ZFAND6: variants seen among roughly 807,000 people sequenced by gnomAD.
The protein encoded by ZFAND6 is zinc finger AN1-type containing 6.
ZFAND6 carries 12 observed loss-of-function variants against 24.5 expected under a neutral mutation model. The observed-to-expected ratio is 0.49, with a 90% CI of 0.31 to 0.79. The LOEUF is 0.79. Ranked by LOEUF, ZFAND6 falls within the 30% of genes least tolerant of loss-of-function variation. The pLI is 0.04. For synonymous variants in ZFAND6, 92 were observed against 81.5 expected (o/e 1.13, Z -0.69); for missense variants, 207 against 245.9 (o/e 0.84, Z 1.06).
intron 2 of ZFAND6, among the ~76,000 whole-genome samples, chr15:80,106,460 A>G (rs1007636721): frequency 2.6e-5 from 4 of 152,204 alleles, no homozygotes; most frequent in African/African-American, 9.6e-5. Context: ...GACAGACTCT[A>G]TGGCCCACAA....
chr15:80,123,236 A>T (rs955931458), intron 5 of ZFAND6, among the ~76,000 whole-genome samples: 1 of 152,142 alleles, frequency 6.6e-6, no homozygotes, highest in East Asian at 1.9e-4. Flanking sequence ...CATGTGTGCA[A>T]TAGTCACATT....
chr15:80,117,678 G>T (rs1389724427), intron 2 of ZFAND6, among the ~76,000 whole-genome samples: 1 of 152,162 alleles, frequency 6.6e-6, no homozygotes, highest in Non-Finnish European at 1.5e-5. Flanking sequence ...AGTGCTTCAT[G>T]CATGCTTCCC....
At chr15:80,097,621 C>G (rs1360573134) in intron 1 of ZFAND6, among the ~76,000 whole-genome samples, 1 of 151,902 alleles carries the variant, frequency 6.6e-6, no homozygotes, top group Admixed American at 6.6e-5. Flanking sequence ...TGCATGCACT[C>G]CAGCCTGGGC....
At chr15:80,123,859 A>G (rs1313406598) in intron 5 of ZFAND6, among the ~76,000 whole-genome samples, 4 of 152,138 alleles carry the variant, frequency 2.6e-5, no homozygotes, top group Admixed American at 2.6e-4. Context: ...GGTGGGCACC[A>G]GAGCAATTCC....
intron 1 of ZFAND6, among the ~76,000 whole-genome samples, chr15:80,090,521 A>G (rs529661201): frequency 6.6e-6 from 1 of 152,310 alleles, no homozygotes; most frequent in African/African-American, 2.4e-5. Flanking sequence ...GGACCCCTCA[A>G]TTCTGTTCTT....
At chr15:80,079,284 G>T (rs575863886) in intron 1 of ZFAND6, among the ~76,000 whole-genome samples, 4 of 149,518 alleles carry the variant, frequency 2.7e-5, no homozygotes, top group Non-Finnish European at 6.0e-5. Context: ...GCAGTGGCGC[G>T]ATCTCGGCTC....
At chr15:80,071,775 A>C (rs1179240390) in intron 1 of ZFAND6, among the ~76,000 whole-genome samples, 4 of 151,996 alleles carry the variant, frequency 2.6e-5, no homozygotes, top group African/African-American at 9.7e-5. Context: ...AAAAGACTTA[A>C]ACTTTTCTAA....
At chr15:80,111,018 G>A (rs1214458083) in intron 2 of ZFAND6, among the ~76,000 whole-genome samples, 2 of 152,196 alleles carry the variant, frequency 1.3e-5, no homozygotes, top group Non-Finnish European at 2.9e-5. Context: ...AGCAAGGAAA[G>A]AAAACATAGT....
At chr15:80,079,751 G>A (rs1239187920) in intron 1 of ZFAND6, among the ~76,000 whole-genome samples, 2 of 145,782 alleles carry the variant, frequency 1.4e-5, no homozygotes, top group African/African-American at 5.1e-5. Flanking sequence ...CCAGGTTCAT[G>A]CCATCCTCCT....
At chr15:80,121,909 A>G in intron 4 of ZFAND6, 89 bp downstream of exon 4, 5 of 1,101,402 alleles carry the variant, frequency 4.5e-6, no homozygotes, top group Non-Finnish European at 6.3e-6. Context: ...AACTACGTAA[A>G]GCTACTTTTA....
chr15:80,067,960 TAAA>T (rs200345734), intron 1 of ZFAND6, among the ~76,000 whole-genome samples: 1 of 152,050 alleles, frequency 6.6e-6, no homozygotes, highest in South Asian at 2.1e-4. Flanking sequence ...ATTTCTTAAT[TAAA>T]AAAATTTTTT....
At chr15:80,089,577 C>G (rs542058247) in intron 1 of ZFAND6, among the ~76,000 whole-genome samples, 2 of 152,008 alleles carry the variant, frequency 1.3e-5, no homozygotes, top group Non-Finnish European at 2.9e-5. Flanking sequence ...TTCTCTTGAC[C>G]TAGCATTCAA....
chr15:80,137,284 C>T (rs753272784), intron 6 of ZFAND6, among the ~76,000 whole-genome samples, 196 bp from the exon 7 acceptor site: 31 of 152,136 alleles, frequency 2.0e-4, no homozygotes, highest in Non-Finnish European at 3.4e-4. Context: ...CTAGGGCAAA[C>T]CTGCGTTTGT....
chr15:80,115,274 A>G (rs565154327), intron 2 of ZFAND6, among the ~76,000 whole-genome samples: 1 of 152,312 alleles, frequency 6.6e-6, no homozygotes, highest in South Asian at 2.1e-4. Context: ...GGATTTGACT[A>G]CGAATGTTAT....
chr15:80,085,865 T>A (rs942931499), intron 1 of ZFAND6, among the ~76,000 whole-genome samples: 1 of 152,206 alleles, frequency 6.6e-6, no homozygotes, highest in Non-Finnish European at 1.5e-5. Context: ...TTTATAATAC[T>A]GTATTTTTAC....
intron 3 of ZFAND6, 92 bp from the exon 4 acceptor site, chr15:80,121,620 G>C: frequency 9.5e-7 from 1 of 1,049,860 alleles, no homozygotes; most frequent in Non-Finnish European, 1.4e-6. Context: ...TCTATACTGT[G>C]TTCTGTGGAA....
chr15:80,126,214 A>T (rs1320392083), intron 5 of ZFAND6, among the ~76,000 whole-genome samples: 1 of 152,336 alleles, frequency 6.6e-6, no homozygotes, highest in Non-Finnish European at 1.5e-5. Flanking sequence ...TGAATTGTCA[A>T]ATCATTGGTT....
At chr15:80,072,762 C>CT (rs1359602771) in intron 1 of ZFAND6, 2 of 151,958 alleles carry the variant, frequency 1.3e-5, no homozygotes, top group African/African-American at 4.8e-5. Flanking sequence ...AAACTGAACA[C>CT]TAAAATTAAG....
At chr15:80,101,799 T>G (rs1278878707) in intron 2 of ZFAND6, among the ~76,000 whole-genome samples, 2 of 150,122 alleles carry the variant, frequency 1.3e-5, no homozygotes, top group Admixed American at 6.6e-5. Context: ...GTGTTTTTTT[T>G]TTTTTTTTTT....
Sources: gnomAD v4.1 joint callset for allele counts (sites outside exome capture counted in the v4.1 genomes callset) on GRCh38, gnomAD v4.1.1 for gene constraint, MANE v1.5 for transcripts, NCBI Gene and HGNC (gene_info 2026-07-23, HGNC 2026-07-21) for gene names.